Variants in DOCK2 observed in about 807,000 individuals in gnomAD.
The protein encoded by DOCK2 is dedicator of cytokinesis 2.
A neutral mutation model predicts 248.9 loss-of-function variants in DOCK2; 87 were observed. That is an observed-to-expected ratio of 0.35 (90% CI 0.29 to 0.42). DOCK2 has a LOEUF of 0.42. Ranked by LOEUF, DOCK2 falls within the 10% of genes least tolerant of loss-of-function variation. DOCK2 has a pLI of 1.00. For synonymous variants in DOCK2, 805 were observed against 821.6 expected, an observed-to-expected ratio of 0.98 and a Z score of 0.35; for missense variants, 1,747 against 2,300.2, an observed-to-expected ratio of 0.76 and a Z score of 4.92.
chr5:170,062,566 A>C (rs1420101280), intron 44 of DOCK2, among the ~76,000 whole-genome samples: 2 of 152,126 alleles, frequency 1.3e-5, no homozygotes, highest in Non-Finnish European at 2.9e-5. Context: ...CTTGGACCTC[A>C]CATATACTAC....
chr5:169,688,644 T>C (rs922949196), intron 8 of DOCK2, among the ~76,000 whole-genome samples: 1 of 152,178 alleles, frequency 6.6e-6, no homozygotes, highest in Non-Finnish European at 1.5e-5. Context: ...GAGCATTTCA[T>C]ATTTGGGATT....
At chr5:169,665,993 C>G (rs1411581840) in intron 2 of DOCK2, among the ~76,000 whole-genome samples, 1 of 152,142 alleles carries the variant, frequency 6.6e-6, no homozygotes, top group Admixed American at 6.5e-5. Flanking sequence ...TTTTCCTTTT[C>G]TCATCTTCCT....
intron 29 of DOCK2, among the ~76,000 whole-genome samples, chr5:169,991,637 A>G (rs760281264): frequency 3.9e-5 from 6 of 152,250 alleles, no homozygotes; most frequent in Non-Finnish European, 7.3e-5. Flanking sequence ...CTCTGGACCC[A>G]GTCAGCTGTA....
At chr5:169,889,816 G>A (rs991843233) in intron 27 of DOCK2, among the ~76,000 whole-genome samples, 2 of 152,170 alleles carry the variant, frequency 1.3e-5, no homozygotes, top group Admixed American at 6.6e-5. Context: ...ATTTGGCCTG[G>A]GAGCCATAGT....
intron 30 of DOCK2, among the ~76,000 whole-genome samples, chr5:170,004,991 G>A (rs1404757033): frequency 9.5e-5 from 14 of 148,010 alleles, no homozygotes; most frequent in South Asian, 2.2e-4. Flanking sequence ...TGGGTGCAGC[G>A]CACCAGCATG....
chr5:170,052,095 A>G (rs913388969), intron 41 of DOCK2, among the ~76,000 whole-genome samples: 8 of 152,228 alleles, frequency 5.3e-5, no homozygotes, highest in African/African-American at 7.2e-5. Flanking sequence ...TTTAGCACAA[A>G]TTAAGTTACA....
intron 22 of DOCK2, among the ~76,000 whole-genome samples, chr5:169,724,752 T>TG (rs1491581076): frequency 1.3e-5 from 1 of 74,430 alleles, no homozygotes; most frequent in Admixed American, 1.8e-4. Context: ...TTCTTTTGTC[T>TG]TTTTTTTTTT....
chr5:169,713,862 G>T (rs1761723368), intron 17 of DOCK2, among the ~76,000 whole-genome samples, 166 bp from the exon 18 acceptor site: 1 of 152,120 alleles, frequency 6.6e-6, no homozygotes, highest in Non-Finnish European at 1.5e-5. Context: ...CTGTATTGTG[G>T]AAAAACAGTC....
At chr5:170,050,494 C>A in intron 41 of DOCK2, 97 bp downstream of exon 41, 1 of 1,422,654 alleles carries the variant, frequency 7.0e-7, no homozygotes, top group Non-Finnish European at 9.5e-7. Flanking sequence ...AGGGCTGCTG[C>A]CAGAATCATT....
At chr5:170,047,473 C>A in intron 39 of DOCK2, 37 bp from the exon 40 acceptor site, 1 of 1,594,064 alleles carries the variant, frequency 6.3e-7, no homozygotes, top group Non-Finnish European at 8.6e-7. Flanking sequence ...CTTTGATACA[C>A]ATCTGTGTTG....
At chr5:170,060,187 A>G (rs1469724544) in intron 44 of DOCK2, among the ~76,000 whole-genome samples, 2 of 152,114 alleles carry the variant, frequency 1.3e-5, no homozygotes, top group Admixed American at 1.3e-4. Flanking sequence ...AGAAATGGAG[A>G]CTTTACAAGG....
intron 26 of DOCK2, among the ~76,000 whole-genome samples, chr5:169,813,241 A>G (rs1175286625): frequency 1.3e-5 from 2 of 152,184 alleles, no homozygotes; most frequent in Non-Finnish European, 2.9e-5. Context: ...ATAATTAAAT[A>G]AACTATATTA....
intron 26 of DOCK2, 107 bp downstream of exon 26, chr5:169,803,313 A>G: frequency 6.9e-7 from 1 of 1,443,330 alleles, no homozygotes; most frequent in East Asian, 2.4e-5. Context: ...TAAAGATAAA[A>G]GTCAACGGCT....
intron 42 of DOCK2, 146 bp from the exon 43 acceptor site, chr5:170,056,538 A>T (rs925435729): frequency 1.4e-5 from 9 of 621,308 alleles, no homozygotes; most frequent in Admixed American, 3.0e-5. Context: ...AGCCCAGAAC[A>T]CAGACCTTGA....
intron 41 of DOCK2, 34 bp downstream of exon 41, chr5:170,050,431 G>T: frequency 6.2e-7 from 1 of 1,600,504 alleles, no homozygotes; most frequent in South Asian, 1.1e-5. Flanking sequence ...CAAGGGGCCA[G>T]ACCTGAGCAG....
chr5:170,073,558 T>A lies in DOCK2; in HGVS notation c.4729-2389T>A, dbSNP rs544222097. Among the ~76,000 whole-genome samples the A allele has an allele frequency of 2.0e-5, 3 of 152,348 alleles. No individual in the cohort carries two copies. In the East Asian group the frequency reaches 5.8e-4, roughly 29 times the overall value. On this transcript the variant is annotated intron_variant, in intron 46 of 51. Coordinates refer to ENST00000520908, the MANE Select transcript of DOCK2 (RefSeq NM_004946.3). ...ATTGGAGAGAATGGCTATCTTCTCA[T>A]CCATGAACATGGACTAGCTCTCCAT... is the stretch of plus-strand genomic sequence containing the variant.
chr5:170,051,369 G>T (rs1271242127), intron 41 of DOCK2, among the ~76,000 whole-genome samples: 1 of 152,010 alleles, frequency 6.6e-6, no homozygotes, highest in African/African-American at 2.4e-5. Context: ...CAGGGTTCTT[G>T]TTTCTGTTCC....
chr5:169,814,313 G>T (rs751325541), intron 26 of DOCK2, among the ~76,000 whole-genome samples: 1 of 152,160 alleles, frequency 6.6e-6, no homozygotes, highest in African/African-American at 2.4e-5. Context: ...GTACAGCCTC[G>T]ATCTGATGAT....
chr5:169,846,592 A>G (rs1770322214), intron 27 of DOCK2, among the ~76,000 whole-genome samples: 1 of 120,108 alleles, frequency 8.3e-6, no homozygotes, highest in African/African-American at 3.8e-5. Context: ...GTGTATATAT[A>G]TATATACACA....
Sources: gnomAD v4.1 joint callset for allele counts (sites outside exome capture counted in the v4.1 genomes callset) on GRCh38, gnomAD v4.1.1 for gene constraint, MANE v1.5 for transcripts, NCBI Gene and HGNC (gene_info 2026-07-23, HGNC 2026-07-21) for gene names.